CATSPERE: variants seen among roughly 807,000 people sequenced by gnomAD.
CATSPERE encodes the protein catsper channel auxiliary subunit epsilon, also known as cation channel sperm-associated auxiliary subunit epsilon.
A neutral mutation model predicts 114.1 loss-of-function variants in CATSPERE; 93 were observed. That is an observed-to-expected ratio of 0.81 (90% CI 0.69 to 0.97). The LOEUF (loss-of-function observed/expected upper bound fraction) is 0.97. Among genes scored for constraint, CATSPERE ranks in the 50% least tolerant of loss-of-function variants. The pLI is 0.00. For synonymous variants in CATSPERE, 341 were observed against 384.1 expected (o/e 0.89, Z 1.31); for missense variants, 1,058 against 1,131.6 (o/e 0.93, Z 0.93).
intron 10 of CATSPERE, among the ~76,000 whole-genome samples, chr1:244,570,879 G>A (rs1664333834): frequency 6.6e-6 from 1 of 152,186 alleles, no homozygotes; most frequent in African/African-American, 2.4e-5. Flanking sequence ...GTGCAAAGAT[G>A]TGGAGGTAGG....
intron 20 of CATSPERE, among the ~76,000 whole-genome samples, chr1:244,630,297 T>A (rs570971021): frequency 1.3e-5 from 2 of 152,332 alleles, no homozygotes; most frequent in East Asian, 3.9e-4. Flanking sequence ...AGCTCCCACA[T>A]CATGTGTACT....
chr1:244,509,930 G>A (rs1175184361), intron 7 of CATSPERE, among the ~76,000 whole-genome samples: 1 of 152,094 alleles, frequency 6.6e-6, no homozygotes. Context: ...GTTGTAATGT[G>A]TCCTTTTTGT....
chr1:244,525,820 A>G (rs1678497633), intron 8 of CATSPERE, among the ~76,000 whole-genome samples: 1 of 152,226 alleles, frequency 6.6e-6, no homozygotes, highest in Non-Finnish European at 1.5e-5. Flanking sequence ...CCAAACATAT[A>G]CTTATTAGTT....
At chr1:244,559,151 C>T (rs1176041593) in intron 9 of CATSPERE, among the ~76,000 whole-genome samples, 1 of 152,156 alleles carries the variant, frequency 6.6e-6, no homozygotes, top group African/African-American at 2.4e-5. Context: ...TCTTATCTAT[C>T]GTGTTTATGA....
In CATSPERE at chr1:244,560,932, G is replaced by C. The variant is rs186889417; in HGVS notation, c.1294G>C (p.Val432Leu). Residue 432 changes from valine to leucine, a missense_variant, in exon 10 of 22, where the codon GTT becomes CTT. Physicochemically the swap from Val to Leu is conservative, Grantham distance 32. Transcript: ENST00000366534. Reference protein sequence around the residue: ...VIYNEDTKQWVSQDFTLDAPI... With the variant: ...VIYNEDTKQWLSQDFTLDAPI... The stretch of plus-strand genomic sequence containing the variant: ...ATATAATGAAGATACAAAACAGTGG[G>C]TTTCCCAAGACTTTACATTAGATGC... 2 of 1,613,966 alleles carry C rather than the reference G, an allele frequency of 1.2e-6. No homozygotes were observed. The highest frequency in any genetic ancestry group is 1.7e-6 in the Non-Finnish European group (2 of 1,179,982).
At chr1:244,623,464 G>A (rs907662075) in intron 20 of CATSPERE, among the ~76,000 whole-genome samples, 2 of 152,178 alleles carry the variant, frequency 1.3e-5, no homozygotes, top group African/African-American at 4.8e-5. Flanking sequence ...TTATATCCAT[G>A]TGTGGTGTTG....
In CATSPERE at chr1:244,568,954, C is replaced by T. The variant is rs371577418; in HGVS notation, c.1508-3376C>T. 1.5e-4 allele frequency among the ~76,000 whole-genome samples: 23 copies of T among 152,338 alleles called. No individual in the cohort carries two copies. Among genetic ancestry groups the T allele is most frequent in the Non-Finnish European group, 1.5e-4 (10 of 68,040 alleles). On this transcript the variant is annotated intron_variant, in intron 10 of 21. Coordinates refer to ENST00000366534, the MANE Select transcript of CATSPERE (RefSeq NM_001130957.2). The surrounding 1 kb of genome is among the most constrained non-coding windows in gnomAD (Gnocchi z 4.4). The stretch of plus-strand genomic sequence containing the variant: ...GCAGCTAGCCTGGTGTCTGCCCAAA[C>T]GGCTGCCTAGTTTTGTGCTTGAAAC...
chr1:244,617,894 C>T (rs1212678023), intron 20 of CATSPERE, among the ~76,000 whole-genome samples: 8 of 152,100 alleles, frequency 5.3e-5, no homozygotes, highest in Non-Finnish European at 1.5e-5. Context: ...CAATTACATT[C>T]TGAGGACTTT....
intron 14 of CATSPERE, among the ~76,000 whole-genome samples, chr1:244,589,823 C>G (rs1453532917): frequency 6.6e-6 from 1 of 152,178 alleles, no homozygotes; most frequent in Non-Finnish European, 1.5e-5. Flanking sequence ...CTCAGTTACT[C>G]ATCAGAATCA....
chr1:244,507,157 T>C (rs1674951293), intron 7 of CATSPERE, among the ~76,000 whole-genome samples: 1 of 152,210 alleles, frequency 6.6e-6, no homozygotes, highest in Admixed American at 6.5e-5. Context: ...CATTCTTCCA[T>C]TGCTGAATAT....
intron 18 of CATSPERE, among the ~76,000 whole-genome samples, chr1:244,609,222 A>G (rs1257884672): frequency 3.9e-5 from 6 of 152,172 alleles, no homozygotes; most frequent in African/African-American, 1.4e-4. Context: ...TTAGAAAATT[A>G]TGAATAGATA....
intron 17 of CATSPERE, among the ~76,000 whole-genome samples, chr1:244,596,598 G>A (rs1008459716): frequency 6.6e-6 from 1 of 151,934 alleles, no homozygotes; most frequent in African/African-American, 2.4e-5. Context: ...TATACACACC[G>A]GGGCCTGTCT....
At chr1:244,613,016 TTAGGAAATAAGGAAA>T (rs2148697810) in intron 19 of CATSPERE, among the ~76,000 whole-genome samples, 1 of 152,152 alleles carries the variant, frequency 6.6e-6, no homozygotes, top group East Asian at 1.9e-4. Flanking sequence ...ATCATTCACA[TTAGGAAATAAGGAAA>T]TAGGAAACAA....
rs3005941 is a variant in CATSPERE at position 244,531,137 on chromosome 1, G to A, written c.536+12439G>A. Among the ~76,000 whole-genome samples, 1,186 of 151,344 alleles carry A rather than the reference G, an allele frequency of 7.8e-3. 17 individuals carry two copies. The highest frequency in any genetic ancestry group is 0.026 in the African/African-American group (1,067 of 41,226). On this transcript the variant is annotated intron_variant, in intron 8 of 21. Transcript: ENST00000366534. ...TGTCATCCCAGCTACTCAGGAGGCCGAGGCAGGAGAATCGCTTAAATCCAG... is the reference window on the plus strand; with the variant it reads ...TGTCATCCCAGCTACTCAGGAGGCCAAGGCAGGAGAATCGCTTAAATCCAG...
intron 14 of CATSPERE, among the ~76,000 whole-genome samples, chr1:244,590,694 C>T (rs1572903567): frequency 6.6e-6 from 1 of 152,218 alleles, no homozygotes. Context: ...TGGAATCCTA[C>T]AACATATGAC....
chr1:244,591,827 A>G (rs893466764), intron 15 of CATSPERE, 96 bp downstream of exon 15: 7 of 771,800 alleles, frequency 9.1e-6, no homozygotes, highest in African/African-American at 7.2e-5. Context: ...ATTAGCATCC[A>G]TGTGTTCGGC....
At chr1:244,558,215 C>T (rs1661989285) in intron 9 of CATSPERE, among the ~76,000 whole-genome samples, 1 of 142,732 alleles carries the variant, frequency 7.0e-6, no homozygotes, top group Non-Finnish European at 1.5e-5. Context: ...AATCTCAGCT[C>T]ACTGCAACCT....
At chr1:244,518,273 C>T (rs1676961824) in intron 7 of CATSPERE, among the ~76,000 whole-genome samples, 1 of 152,124 alleles carries the variant, frequency 6.6e-6, no homozygotes, top group African/African-American at 2.4e-5. Context: ...GTTTCAGAAA[C>T]TCTACTATGT....
Position 244,591,673 on chromosome 1 carries a change from T to C in CATSPERE, c.2139-8T>C. On this transcript the variant is annotated splice_region_variant and splice_polypyrimidine_tract_variant and intron_variant, in intron 14 of 21. Transcript: ENST00000366534. ...TATTTCAACTTCATTATGTTTTGTC[T>C]TTTGTAGATTTAGTAAAAAAGGATG... 1 of 1,467,982 alleles carries C rather than the reference T, an allele frequency of 6.8e-7. No individual in the cohort carries two copies. The highest frequency in any genetic ancestry group is 9.4e-7 in the Non-Finnish European group (1 of 1,061,770). 90.9% of individuals were successfully genotyped at this position (1,467,982 alleles called of 1,614,324 possible). A position where few individuals can be genotyped will look rare whatever the true frequency, so the allele number is the denominator to read the frequency against.
Sources: allele counts gnomAD v4.1 joint callset (sites outside exome capture counted in the v4.1 genomes callset), GRCh38; gene constraint gnomAD v4.1.1; non-coding constraint Gnocchi (gnomAD v3.1); transcripts MANE v1.5; gene names NCBI Gene and HGNC (gene_info 2026-07-23, HGNC 2026-07-21).